Variants in LHFPL4 observed in about 807,000 individuals in gnomAD.
LHFPL4 encodes LHFPL tetraspan subfamily member 4, also known as LHFPL tetraspan subfamily member 4 protein.
In LHFPL4, 6 loss-of-function variants were observed where a neutral mutation model predicts 20.0. That is an observed-to-expected ratio of 0.30 (90% CI 0.16 to 0.59). The LOEUF (loss-of-function observed/expected upper bound fraction) is 0.59. LHFPL4 is among the 20% of genes least tolerant of loss of function. LHFPL4 has a pLI of 0.88. For synonymous variants in LHFPL4, 129 were observed against 143.8 expected (o/e 0.90, Z 0.74); for missense variants, 215 against 331.2 (o/e 0.65, Z 2.72).
At chr3:9,533,189 TAGACCC>T (rs1228375958) in intron 2 of LHFPL4, among the ~76,000 whole-genome samples, 1 of 152,176 alleles carries the variant, frequency 6.6e-6, no homozygotes, top group Non-Finnish European at 1.5e-5. Flanking sequence ...AACCATCCCC[TAGACCC>T]AGACCCCTCT....
intron 2 of LHFPL4, among the ~76,000 whole-genome samples, chr3:9,510,698 G>A (rs2046252307): frequency 6.6e-6 from 1 of 152,136 alleles, no homozygotes; most frequent in African/African-American, 2.4e-5. Context: ...AGCACTCTGT[G>A]AGGCCAAGAC....
intron 2 of LHFPL4, among the ~76,000 whole-genome samples, chr3:9,534,591 G>T (rs1308066988): frequency 6.6e-6 from 1 of 152,198 alleles, no homozygotes; most frequent in African/African-American, 2.4e-5. Context: ...GGTAGCTGGA[G>T]GAGCAGATTT....
rs1416365493 is a variant in LHFPL4, at chr3:9,505,960, C to T, written c.643+7G>A. ...CGCCGCTGCCCCCCAGCCCACAGCA[C>T]ACTCGCCTTTGTTCTCCGGCTTGAG... On this transcript the variant is annotated splice_region_variant and intron_variant, in intron 3 of 3. Coordinates refer to ENST00000287585, the MANE Select transcript of LHFPL4 (RefSeq NM_198560.3). 2.5e-6 allele frequency: 4 copies of T among 1,613,712 alleles called. No individual in the cohort carries two copies. Among genetic ancestry groups the T allele is most frequent in the African/African-American group, 2.7e-5 (2 of 75,046 alleles).
At chr3:9,531,613 C>T (rs1390896123) in intron 2 of LHFPL4, among the ~76,000 whole-genome samples, 1 of 152,120 alleles carries the variant, frequency 6.6e-6, no homozygotes, top group African/African-American at 2.4e-5. Context: ...ACCAGCCTGG[C>T]CAACGTGGTG....
At position 9,499,966 on chromosome 3, in the gene LHFPL4, C is replaced by G. The variant is rs983233108; in HGVS notation, c.*2245G>C. 1 of 152,292 alleles carries G rather than the reference C, an allele frequency of 6.6e-6. No individual in the cohort carries two copies. The highest frequency in any genetic ancestry group is 2.4e-5 in the African/African-American group (1 of 41,208). The allele number at this position is 152,292 out of a possible 1,614,324, so 9.4% of individuals were successfully genotyped here. A position where few individuals can be genotyped will look rare whatever the true frequency, so the allele number is the denominator to read the frequency against. On this transcript the variant is annotated 3_prime_UTR_variant, in exon 4 of 4. Transcript: ENST00000287585. ...CTTTTTCCGCCTTTTCATCCATTTCCCCTCCCCCACCCCAAGCTCTCGGGC... is the reference window on the plus strand; with the variant it reads ...CTTTTTCCGCCTTTTCATCCATTTCGCCTCCCCCACCCCAAGCTCTCGGGC...
At chr3:9,519,242 T>G (rs576328087) in intron 2 of LHFPL4, among the ~76,000 whole-genome samples, 1 of 151,446 alleles carries the variant, frequency 6.6e-6, no homozygotes, top group Non-Finnish European at 1.5e-5. Flanking sequence ...CCCAACCTAA[T>G]TTTTGTATTT....
At chr3:9,502,544 A>G (rs983361391) in intron 3 of LHFPL4, among the ~76,000 whole-genome samples, 1 of 152,144 alleles carries the variant, frequency 6.6e-6, no homozygotes, top group Non-Finnish European at 1.5e-5. Context: ...TTTACCAAAA[A>G]TACAAAAAAT....
Position 9,499,950 on chromosome 3 carries a change from C to T in LHFPL4, c.*2261G>A, listed in dbSNP as rs1435443801. On this transcript the variant is annotated 3_prime_UTR_variant, in exon 4 of 4. Coordinates refer to ENST00000287585, the MANE Select transcript of LHFPL4 (RefSeq NM_198560.3). The stretch of plus-strand genomic sequence containing the variant: ...TCCCCGCTCCCGAGTCCTTTTTCCG[C>T]CTTTTCATCCATTTCCCCTCCCCCA... The T allele has an allele frequency of 1.3e-5, 2 of 152,516 alleles. No homozygotes were observed. Among genetic ancestry groups the T allele is most frequent in the African/African-American group, 2.4e-5 (1 of 41,294 alleles). The allele number at this position is 152,516 out of a possible 1,614,324, so 9.4% of individuals were successfully genotyped here. A position where few individuals can be genotyped will look rare whatever the true frequency, so the allele number is the denominator to read the frequency against.
intron 2 of LHFPL4, among the ~76,000 whole-genome samples, chr3:9,544,088 T>A (rs1382495211): frequency 6.6e-6 from 1 of 152,054 alleles, no homozygotes; most frequent in African/African-American, 2.4e-5. Flanking sequence ...CCATTTGCAT[T>A]TGCTTGCATA....
At chr3:9,517,800 TG>T (rs202247551) in intron 2 of LHFPL4, among the ~76,000 whole-genome samples, 30,752 of 129,708 alleles carry the variant, frequency 0.24, 3,865 homozygotes, top group Non-Finnish European at 0.31. Context: ...TGGGTTTTTT[TG>T]TTTTTTGTTT....
chr3:9,502,601 G>C (rs1164888244), intron 3 of LHFPL4, among the ~76,000 whole-genome samples: 2 of 152,032 alleles, frequency 1.3e-5, no homozygotes, highest in African/African-American at 4.8e-5. Flanking sequence ...TACTTGGGAG[G>C]CTGAGGCAGG....
At chr3:9,510,309 G>A (rs1164291749) in intron 2 of LHFPL4, among the ~76,000 whole-genome samples, 1 of 151,918 alleles carries the variant, frequency 6.6e-6, no homozygotes, top group Non-Finnish European at 1.5e-5. Context: ...ATGGTGGCAT[G>A]TACTCGTAGT....
intron 2 of LHFPL4, among the ~76,000 whole-genome samples, chr3:9,513,881 G>A (rs1197179521): frequency 6.6e-6 from 1 of 152,150 alleles, no homozygotes; most frequent in East Asian, 1.9e-4. Flanking sequence ...TGGTTTTGGG[G>A]TGTGAGGGTG....
intron 2 of LHFPL4, among the ~76,000 whole-genome samples, chr3:9,512,990 A>G (rs888537789): frequency 9.9e-5 from 15 of 152,092 alleles, no homozygotes; most frequent in Non-Finnish European, 1.8e-4. Flanking sequence ...ACGGAGTCTC[A>G]CTCAGTCGCC....
chr3:9,504,035 TA>T lies in LHFPL4; in HGVS notation c.644-1725del, dbSNP rs1198557050. 4.6e-5 allele frequency among the ~76,000 whole-genome samples: 7 copies of T among 151,198 alleles called. No homozygotes were observed. The East Asian group carries it at 7.9e-4, about 17-fold the overall frequency. On this transcript the variant is annotated intron_variant, in intron 3 of 3. Transcript: ENST00000287585. ...AGTGAGGCCCCCTCCCCCAATCTCTTAAAAAAATACAATAATCAACACTGGT... is the reference window on the plus strand; with the variant it reads ...AGTGAGGCCCCCTCCCCCAATCTCTTAAAAAATACAATAATCAACACTGGT...
At chr3:9,546,038 G>A (rs746457467) in intron 2 of LHFPL4, among the ~76,000 whole-genome samples, 2 of 152,100 alleles carry the variant, frequency 1.3e-5, no homozygotes, top group African/African-American at 4.8e-5. Context: ...TCTGGGCCAG[G>A]TGCAGTGGCT....
At chr3:9,531,579 G>A (rs896027508) in intron 2 of LHFPL4, among the ~76,000 whole-genome samples, 1 of 152,154 alleles carries the variant, frequency 6.6e-6, no homozygotes, top group African/African-American at 2.4e-5. Flanking sequence ...GAGGCGGGTG[G>A]ATCATCTGAA....
intron 2 of LHFPL4, among the ~76,000 whole-genome samples, chr3:9,530,477 CAG>C (rs1574848717): frequency 6.6e-6 from 1 of 152,326 alleles, no homozygotes; most frequent in East Asian, 1.9e-4. Context: ...CAGAATGGAA[CAG>C]AGTTAGGGCC....
chr3:9,531,971 G>A (rs986378204), intron 2 of LHFPL4, among the ~76,000 whole-genome samples: 2 of 152,112 alleles, frequency 1.3e-5, no homozygotes. Context: ...TTGTGCTATC[G>A]ATGTACTTTT....
Sources: allele counts gnomAD v4.1 joint callset (sites outside exome capture counted in the v4.1 genomes callset), GRCh38; gene constraint gnomAD v4.1.1; transcripts MANE v1.5; gene names NCBI Gene and HGNC (gene_info 2026-07-23, HGNC 2026-07-21).